The following HTR1F variants were observed in gnomAD, a reference collection of about 807,000 sequenced individuals.
HTR1F encodes 5-hydroxytryptamine receptor 1F.
Under a neutral mutation model 24.0 loss-of-function variants are expected in HTR1F, and 17 were observed. That is an observed-to-expected ratio of 0.71 (90% confidence interval 0.48 to 1.06). The LOEUF is 1.06. Among genes scored for constraint, HTR1F ranks in the 50% least tolerant of loss-of-function variants. The pLI is 0.00. For missense variants in HTR1F, 391 were observed against 427.8 expected (o/e 0.91, Z 0.76); for synonymous variants, 186 against 156.8 (o/e 1.19, Z -1.39).
At chr3:87,813,725 T>G (rs1356566995) in intron 1 of HTR1F, among the ~76,000 whole-genome samples, 1 of 152,184 alleles carries the variant, frequency 6.6e-6, no homozygotes, top group Non-Finnish European at 1.5e-5. Context: ...GATTGGATTA[T>G]GGGGGTCATT....
At chr3:87,897,100 T>C (rs1706214536) in intron 2 of HTR1F, among the ~76,000 whole-genome samples, 1 of 151,954 alleles carries the variant, frequency 6.6e-6, no homozygotes, top group Non-Finnish European at 1.5e-5. Context: ...GTTAAAGATA[T>C]TGAGCTCCCG....
intron 2 of HTR1F, among the ~76,000 whole-genome samples, chr3:87,891,552 T>C (rs1706086844): frequency 6.6e-6 from 1 of 152,188 alleles, no homozygotes; most frequent in African/African-American, 2.4e-5. Context: ...TGCAAAACCC[T>C]TACATTGCTT....
At chr3:87,923,417 C>A (rs1444840716) in intron 2 of HTR1F, among the ~76,000 whole-genome samples, 1 of 151,872 alleles carries the variant, frequency 6.6e-6, no homozygotes, top group Non-Finnish European at 1.5e-5. Flanking sequence ...TCATCAATTT[C>A]TTTCATCAGT....
intron 2 of HTR1F, among the ~76,000 whole-genome samples, chr3:87,827,291 C>T (rs1704485110): frequency 6.6e-6 from 1 of 151,972 alleles, no homozygotes; most frequent in Non-Finnish European, 1.5e-5. Context: ...TTATTCCCCT[C>T]CCTGTGTCCA....
At chr3:87,940,127 T>A (rs1704532824) in intron 2 of HTR1F, among the ~76,000 whole-genome samples, 1 of 152,210 alleles carries the variant, frequency 6.6e-6, no homozygotes, top group Non-Finnish European at 1.5e-5. Flanking sequence ...ATTTACCCAG[T>A]AGTCATTCAG....
intron 2 of HTR1F, among the ~76,000 whole-genome samples, chr3:87,946,599 A>ATG (rs146000112): frequency 0.027 from 3,820 of 141,870 alleles, 103 homozygotes; most frequent in African/African-American, 0.064. Context: ...ATTTACATAT[A>ATG]TGTGTGTGTG....
chr3:87,963,747 G>A (rs1705110261), intron 2 of HTR1F, among the ~76,000 whole-genome samples: 1 of 152,010 alleles, frequency 6.6e-6, no homozygotes, highest in South Asian at 2.1e-4. Flanking sequence ...CATCTATGCT[G>A]GCACCTGAGG....
At chr3:87,831,269 A>T (rs965590922) in intron 2 of HTR1F, among the ~76,000 whole-genome samples, 3 of 151,272 alleles carry the variant, frequency 2.0e-5, no homozygotes, top group Non-Finnish European at 4.4e-5. Flanking sequence ...CAAAATAAAT[A>T]ACAATGCAAA....
intron 2 of HTR1F, among the ~76,000 whole-genome samples, chr3:87,829,439 C>T (rs1704529482): frequency 6.6e-6 from 1 of 152,334 alleles, no homozygotes; most frequent in African/African-American, 2.4e-5. Context: ...TTCCTTAAAA[C>T]ATTGAAATCC....
chr3:87,810,497 C>T (rs1488920715), intron 1 of HTR1F, among the ~76,000 whole-genome samples: 1 of 152,070 alleles, frequency 6.6e-6, no homozygotes, highest in Non-Finnish European at 1.5e-5. Flanking sequence ...CTTTCTTTGA[C>T]CCATTCACTC....
chr3:87,941,163 GCTT>G (rs1170265371), intron 2 of HTR1F, among the ~76,000 whole-genome samples: 5 of 152,216 alleles, frequency 3.3e-5, no homozygotes, highest in Non-Finnish European at 5.9e-5. Context: ...CTGGAAAGCT[GCTT>G]CTTCTGCTTC....
chr3:87,877,640 G>T (rs990245148), intron 2 of HTR1F, among the ~76,000 whole-genome samples: 23 of 152,086 alleles, frequency 1.5e-4, no homozygotes, highest in African/African-American at 5.1e-4. Context: ...AGGCTTCAAG[G>T]ATCTAAGTGA....
intron 2 of HTR1F, among the ~76,000 whole-genome samples, chr3:87,970,478 A>G (rs1705262092): frequency 2.0e-5 from 3 of 152,220 alleles, no homozygotes; most frequent in Admixed American, 1.3e-4. Context: ...TACATGAGAA[A>G]TACAAATGTT....
At chr3:87,930,647 T>C (rs1704240172) in intron 2 of HTR1F, among the ~76,000 whole-genome samples, 1 of 152,210 alleles carries the variant, frequency 6.6e-6, no homozygotes, top group Non-Finnish European at 1.5e-5. Flanking sequence ...TACTTGATTA[T>C]GGTGAATAAA....
At chr3:87,910,241 G>T (rs1703748837) in intron 2 of HTR1F, 1 of 152,018 alleles carries the variant, frequency 6.6e-6, no homozygotes, top group Non-Finnish European at 1.5e-5. Context: ...AAGGAGAAAA[G>T]GTTACCATAC....
chr3:87,841,713 G>A (rs1229365159), intron 2 of HTR1F, among the ~76,000 whole-genome samples: 15 of 150,924 alleles, frequency 9.9e-5, no homozygotes, highest in Admixed American at 4.6e-4. Context: ...CAGCCTGGCC[G>A]ACATGGTGAA....
intron 2 of HTR1F, among the ~76,000 whole-genome samples, chr3:87,987,106 A>G (rs2107521610): frequency 8.0e-6 from 1 of 125,326 alleles, no homozygotes; most frequent in East Asian, 2.4e-4. Flanking sequence ...ACTCTGTCTC[A>G]AAAAAATAAA....
chr3:87,948,428 C>G (rs1186037893), intron 2 of HTR1F, among the ~76,000 whole-genome samples: 1 of 151,882 alleles, frequency 6.6e-6, no homozygotes, highest in South Asian at 2.1e-4. Flanking sequence ...AATTGAAACT[C>G]TCAAGTAAGA....
At chr3:87,849,853 A>G (rs1267565108) in intron 2 of HTR1F, among the ~76,000 whole-genome samples, 1 of 152,032 alleles carries the variant, frequency 6.6e-6, no homozygotes, top group African/African-American at 2.4e-5. Context: ...AGACAGATGA[A>G]AAAATGCTCA....
Sources: allele counts gnomAD v4.1 joint callset (sites outside exome capture counted in the v4.1 genomes callset), GRCh38; gene constraint gnomAD v4.1.1; transcripts MANE v1.5; gene names NCBI Gene and HGNC (gene_info 2026-07-23, HGNC 2026-07-21).